Variants in SERPINB6 observed in about 807,000 individuals in gnomAD.
SERPINB6 encodes serpin B6.
In SERPINB6, 16 loss-of-function variants were observed where a neutral mutation model predicts 26.1. That is an observed-to-expected ratio of 0.61 (90% CI 0.42 to 0.93). The LOEUF is 0.93. SERPINB6 is among the 40% of genes least tolerant of loss of function. SERPINB6 has a pLI of 0.00. For synonymous variants in SERPINB6, 174 were observed against 176.6 expected (o/e 0.99, Z 0.11); for missense variants, 420 against 478.0 (o/e 0.88, Z 1.13).
At chr6:2,971,148 T>G (rs1772120872) in intron 1 of SERPINB6, 6 of 1,011,886 alleles carry the variant, frequency 5.9e-6, no homozygotes, top group Non-Finnish European at 7.1e-6. Context: ...GCCGCCCCCA[T>G]CCCGCGCCGG....
chr6:2,954,073 G>A (rs1770131809), intron 4 of SERPINB6, among the ~76,000 whole-genome samples: 1 of 150,288 alleles, frequency 6.7e-6, no homozygotes, highest in Non-Finnish European at 1.5e-5. Flanking sequence ...AATTGTGATT[G>A]TGTCACTGCA....
rs1195429868 is a variant in SERPINB6 at position 2,967,591 on chromosome 6, T to C, written c.-11+3942A>G. On this transcript the variant is annotated intron_variant, in intron 1 of 6. Coordinates refer to ENST00000380539, the MANE Select transcript of SERPINB6 (RefSeq NM_004568.6). This position sits in a 1 kb window ranked among gnomAD's most constrained non-coding sequence, Gnocchi z 4.3. ...GCATCTATATGGAACTTAAACAAAT[T>C]TACAAGAAGAAAACAAACAACTCCA... 6.6e-6 allele frequency: 1 copy of C among 151,860 alleles called. No homozygotes were observed. 9.4% of individuals were successfully genotyped at this position (151,860 alleles called of 1,614,324 possible). A position where few individuals can be genotyped will look rare whatever the true frequency, so the allele number is the denominator to read the frequency against.
At chr6:2,968,905 G>A (rs1018090317) in intron 1 of SERPINB6, 6 of 1,227,794 alleles carry the variant, frequency 4.9e-6, no homozygotes, top group South Asian at 4.2e-5. Flanking sequence ...TGTGGCTATC[G>A]GTGGTGTTCT....
chr6:2,955,626 C>T lies in SERPINB6; in HGVS notation c.210G>A (p.Gln70=). 1 of 1,614,170 alleles carries T rather than the reference C, an allele frequency of 6.2e-7. No individual in the cohort carries two copies. Among genetic ancestry groups the T allele is most frequent in the South Asian group, 1.1e-5 (1 of 91,082 alleles). The change falls in exon 3 of 7, where the codon CAG becomes CAA. Residue 70 remains glutamine, a synonymous_variant. Coordinates refer to ENST00000380539, the MANE Select transcript of SERPINB6 (RefSeq NM_004568.6). ...NKSGGGGDIH[Q]GFQSLLTEVN... ...CTTCGGTGAGAAGAGACTGGAAGCC[C>T]TGGTGGATGTCTCCACCACCGCCAC...
rs956410780 is a variant in SERPINB6, at chr6:2,954,964, T to C, written c.313-255A>G. 38 of 442,442 alleles carry C rather than the reference T, an allele frequency of 8.6e-5. 1 individual carries two copies. In the Admixed American group the frequency reaches 1.0e-3, roughly 12 times the overall value. 27.4% of individuals were successfully genotyped at this position (442,442 alleles called of 1,614,324 possible). ...CAGCACTTTGGGGGGCCGAGGCGGG[T>C]GGATCGTGTGAGCTCAGGAGTTCGA... On this transcript the variant is annotated intron_variant, in intron 3 of 6. Transcript: ENST00000380539.
chr6:2,970,344 C>T, intron 1 of SERPINB6: 1 of 992,416 alleles, frequency 1.0e-6, no homozygotes, highest in Non-Finnish European at 1.2e-6. Context: ...GACCAAAGTA[C>T]TTTTCTCTTT....
chr6:2,959,622 CCT>C, intron 1 of SERPINB6: 1 of 470,704 alleles, frequency 2.1e-6, no homozygotes, highest in South Asian at 2.1e-5. Flanking sequence ...AAGGAGGCAC[CCT>C]TTCCTGGAGT....
At chr6:2,952,193 T>C (rs914433669) in intron 5 of SERPINB6, among the ~76,000 whole-genome samples, 1 of 152,220 alleles carries the variant, frequency 6.6e-6, no homozygotes, top group African/African-American at 2.4e-5. Flanking sequence ...ATAGCACAGT[T>C]CATTTCAGAA....
intron 1 of SERPINB6, chr6:2,966,324 G>GTTT: frequency 3.2e-6 from 3 of 948,288 alleles, no homozygotes; most frequent in Non-Finnish European, 3.8e-6. Context: ...ATTTGCTGAT[G>GTTT]TTTTTTTTTC....
At chr6:2,955,749 C>G in intron 2 of SERPINB6, 79 bp from the exon 3 acceptor site, 1 of 1,513,076 alleles carries the variant, frequency 6.6e-7, no homozygotes, top group South Asian at 1.1e-5. Flanking sequence ...CAAACTCAGC[C>G]TAACAACCAT....
intron 5 of SERPINB6, among the ~76,000 whole-genome samples, chr6:2,951,666 T>C (rs1769828624): frequency 6.6e-6 from 1 of 152,200 alleles, no homozygotes; most frequent in African/African-American, 2.4e-5. Context: ...CTGTATCAAC[T>C]CAAAATCTGT....
chr6:2,970,859 G>T, intron 1 of SERPINB6: 1 of 1,231,494 alleles, frequency 8.1e-7, no homozygotes, highest in South Asian at 4.1e-5. Context: ...AGAGCGGTAA[G>T]GAGATCCGGG....
intron 1 of SERPINB6, among the ~76,000 whole-genome samples, chr6:2,965,546 T>C (rs1199340713): frequency 6.6e-6 from 1 of 152,216 alleles, no homozygotes; most frequent in Non-Finnish European, 1.5e-5. Context: ...AACTTACAAA[T>C]TGCACAAACC....
chr6:2,959,116 A>C (rs1770817426), intron 2 of SERPINB6, 52 bp downstream of exon 2: 1 of 1,605,800 alleles, frequency 6.2e-7, no homozygotes, highest in Admixed American at 1.7e-5. Flanking sequence ...TGGAATAAGG[A>C]GGACCAGCTA....
In SERPINB6 at chr6:2,948,581, T is replaced by C; in HGVS notation, c.848A>G (p.Glu283Gly). 6.2e-7 allele frequency: 1 copy of C among 1,614,190 alleles called. No homozygotes were observed. The change falls in exon 7 of 7, where the codon GAG becomes GGG. Residue 283 changes from glutamate to glycine, a missense_variant. Glu to Gly is a moderately conservative substitution (Grantham distance 98). Coordinates refer to ENST00000380539, the MANE Select transcript of SERPINB6 (RefSeq NM_004568.6). This position sits in a 1 kb window ranked among gnomAD's most constrained non-coding sequence, Gnocchi z 5.0. Reference sequence around the variant, plus strand: ...CATGCCCAGGTTGCGCAGGACACTCTCCATGTCGTAGCTTTCCTCTAGTTT... The same window carrying C: ...CATGCCCAGGTTGCGCAGGACACTCCCCATGTCGTAGCTTTCCTCTAGTTT... ...RFKLEESYDM[E>G]SVLRNLGMTD...
In SERPINB6 at chr6:2,967,359, A is replaced by C. The variant is rs768434582; in HGVS notation, c.-11+4174T>G. 6.9e-6 allele frequency: 2 copies of C among 291,236 alleles called. No homozygotes were observed. The highest frequency in any genetic ancestry group is 1.0e-5 in the Non-Finnish European group (2 of 195,570). 18.0% of individuals were successfully genotyped at this position (291,236 alleles called of 1,614,324 possible). Reference sequence around the variant, plus strand: ...AAAACCCTGGAAGACAATCTAGGCAATACCATTCTGGACATAGGAACAGGC... The same window carrying C: ...AAAACCCTGGAAGACAATCTAGGCACTACCATTCTGGACATAGGAACAGGC... On this transcript the variant is annotated intron_variant, in intron 1 of 6. Transcript: ENST00000380539. The surrounding 1 kb of genome is among the most constrained non-coding windows in gnomAD (Gnocchi z 4.3).
At chr6:2,954,823 A>G in intron 3 of SERPINB6, 114 bp from the exon 4 acceptor site, 1 of 756,382 alleles carries the variant, frequency 1.3e-6, no homozygotes, top group Non-Finnish European at 2.3e-6. Context: ...GACATACATA[A>G]TTTACAAATA....
intron 3 of SERPINB6, chr6:2,955,298 A>G (rs1770323462): frequency 1.7e-6 from 1 of 581,630 alleles, no homozygotes; most frequent in East Asian, 3.0e-5. Flanking sequence ...GCAGCCATGC[A>G]TCAAGGAGCT....
chr6:2,964,601 G>A (rs1450158574), intron 1 of SERPINB6, among the ~76,000 whole-genome samples: 1 of 151,966 alleles, frequency 6.6e-6, no homozygotes, highest in African/African-American at 2.4e-5. Flanking sequence ...TTTATGGAGG[G>A]GGTTGGTTAA....
Sources: gnomAD v4.1 joint callset for allele counts (sites outside exome capture counted in the v4.1 genomes callset) on GRCh38, gnomAD v4.1.1 for gene constraint, Gnocchi (gnomAD v3.1) non-coding constraint, MANE v1.5 for transcripts, NCBI Gene and HGNC (gene_info 2026-07-23, HGNC 2026-07-21) for gene names.